Variants in AGAP3 observed in about 807,000 individuals in gnomAD.
AGAP3 encodes arf-GAP with GTPase, ANK repeat and PH domain-containing protein 3.
AGAP3 carries 24 observed loss-of-function variants against 96.9 expected under a neutral mutation model. That is an observed-to-expected ratio of 0.25 (90% CI 0.18 to 0.35). The LOEUF (loss-of-function observed/expected upper bound fraction) is 0.35. AGAP3 is among the 10% of genes least tolerant of loss of function. AGAP3 has a pLI of 1.00. For synonymous variants in AGAP3, 563 were observed against 536.1 expected, an observed-to-expected ratio of 1.05 and a Z score of -0.69; for missense variants, 876 against 1,254.2, an observed-to-expected ratio of 0.70 and a Z score of 4.55.
At chr7:151,123,187 T>C in intron 8 of AGAP3, 1 of 1,064,974 alleles carries the variant, frequency 9.4e-7, no homozygotes, top group Non-Finnish European at 1.1e-6. Context: ...CTGCTCCTGC[T>C]CCGGAAGCCG....
At chr7:151,129,384 G>T (rs542285020) in intron 10 of AGAP3, among the ~76,000 whole-genome samples, 1 of 152,068 alleles carries the variant, frequency 6.6e-6, no homozygotes, top group Non-Finnish European at 1.5e-5. Flanking sequence ...CTCTGAATCC[G>T]CCCAAGGTGT....
At chr7:151,130,272 G>A (rs1027654687) in intron 10 of AGAP3, among the ~76,000 whole-genome samples, 1 of 152,176 alleles carries the variant, frequency 6.6e-6, no homozygotes, top group Non-Finnish European at 1.5e-5. Flanking sequence ...GGCAAGGGGT[G>A]TCTTGGATGT....
chr7:151,094,835 T>G, intron 1 of AGAP3, among the ~76,000 whole-genome samples: 1 of 144,692 alleles, frequency 6.9e-6, no homozygotes, highest in African/African-American at 2.5e-5. Flanking sequence ...CCTCCCTCCC[T>G]TCCCTCCTTC....
At chr7:151,098,815 C>T (rs1018329618) in intron 1 of AGAP3, among the ~76,000 whole-genome samples, 1 of 147,994 alleles carries the variant, frequency 6.8e-6, no homozygotes, top group African/African-American at 2.5e-5. Context: ...TCACTAACAA[C>T]CTCCACCTCC....
chr7:151,142,518 C>G lies in AGAP3; in HGVS notation c.2157C>G (p.Leu719=). ...AHLSRVRSLD[L]DDWPPELLAV... ...TGTCCCGGGTGCGCTCCCTTGACCT[C>G]GATGACTGGCCGCCTGAGCTGCTGG... The change falls in exon 16 of 18, where the codon CTC becomes CTG. Residue 719 remains leucine, a synonymous_variant. Transcript: ENST00000397238. The surrounding 1 kb of genome is among the most constrained non-coding windows in gnomAD (Gnocchi z 7.5). The G allele has an allele frequency of 6.2e-7, 1 of 1,613,782 alleles. No homozygotes were observed. Among genetic ancestry groups the G allele is most frequent in the Non-Finnish European group, 8.5e-7 (1 of 1,180,014 alleles).
chr7:151,141,590 C>T lies in AGAP3; in HGVS notation c.1805-308C>T. On this transcript the variant is annotated intron_variant, in intron 13 of 17. Transcript: ENST00000397238. This position sits in a 1 kb window ranked among gnomAD's most constrained non-coding sequence, Gnocchi z 4.2. ...GATACTCAGCTCTTTCTGTGGGATGCACCCCTCTCTGGTTTCACACCCATT... is the reference window on the plus strand; with the variant it reads ...GATACTCAGCTCTTTCTGTGGGATGTACCCCTCTCTGGTTTCACACCCATT... The T allele has an allele frequency of 2.5e-6, 1 of 395,346 alleles. No individual in the cohort carries two copies. The highest frequency in any genetic ancestry group is 4.7e-6 in the Non-Finnish European group (1 of 212,042). 24.5% of individuals were successfully genotyped at this position (395,346 alleles called of 1,614,324 possible).
Position 151,096,466 on chromosome 7 carries a change from A to C in AGAP3, c.331+9394A>C, listed in dbSNP as rs1342447924. Among the ~76,000 whole-genome samples, 1 of 151,354 alleles carries C rather than the reference A, an allele frequency of 6.6e-6. No individual in the cohort carries two copies. Among genetic ancestry groups the C allele is most frequent in the Non-Finnish European group, 1.5e-5 (1 of 67,876 alleles). On this transcript the variant is annotated intron_variant, in intron 1 of 17. Transcript: ENST00000397238. The surrounding 1 kb of genome is among the most constrained non-coding windows in gnomAD (Gnocchi z 4.4). ...TGGGCGAGTCACACGTGTGAACTTA[A>C]ATTTTCTTTTCTTTTTTTTTTTTTG...
intron 1 of AGAP3, chr7:151,115,093 C>T: frequency 1.2e-5 from 12 of 1,028,958 alleles, no homozygotes; most frequent in Non-Finnish European, 1.4e-5. Flanking sequence ...AGCCCCGCGC[C>T]GACCCGGCGC....
chr7:151,103,128 G>A (rs781726837), intron 1 of AGAP3, among the ~76,000 whole-genome samples: 4 of 152,208 alleles, frequency 2.6e-5, no homozygotes, highest in African/African-American at 7.2e-5. Flanking sequence ...GTGTGCTTAC[G>A]TGCCCTTCTC....
At position 151,097,668 on chromosome 7, in the gene AGAP3, A is replaced by G. The variant is rs202091192; in HGVS notation, c.331+10596A>G. On this transcript the variant is annotated intron_variant, in intron 1 of 17. Coordinates refer to ENST00000397238, the MANE Select transcript of AGAP3 (RefSeq NM_031946.7). ...GGCAGAAAGCAAAGCAGGAATAGGA[A>G]GTCACATGGTGGAAGTGGGAGCGAC... is the stretch of plus-strand genomic sequence containing the variant. Among the ~76,000 whole-genome samples, 4 of 152,070 alleles carry G rather than the reference A, an allele frequency of 2.6e-5. No individual in the cohort carries two copies. The East Asian group carries it at 7.7e-4, about 29-fold the overall frequency.
At chr7:151,091,808 G>A (rs1361216396) in intron 1 of AGAP3, among the ~76,000 whole-genome samples, 1 of 152,224 alleles carries the variant, frequency 6.6e-6, no homozygotes, top group Non-Finnish European at 1.5e-5. Context: ...AGATGAAGCA[G>A]TCCTTGTCCC....
At chr7:151,088,023 C>T (rs958887385) in intron 1 of AGAP3, among the ~76,000 whole-genome samples, 2 of 152,224 alleles carry the variant, frequency 1.3e-5, no homozygotes, top group African/African-American at 4.8e-5. Flanking sequence ...CGCCCACCGG[C>T]AGGTGGTGGG....
intron 1 of AGAP3, among the ~76,000 whole-genome samples, chr7:151,110,378 A>G (rs1045175163): frequency 9.9e-5 from 15 of 152,220 alleles, no homozygotes; most frequent in African/African-American, 3.6e-4. Context: ...GGGATGCTTC[A>G]GCCACGGTCC....
chr7:151,113,766 G>A (rs1799404746), intron 1 of AGAP3, among the ~76,000 whole-genome samples: 1 of 152,256 alleles, frequency 6.6e-6, no homozygotes, highest in Non-Finnish European at 1.5e-5. Context: ...ACAATGCAGT[G>A]TCAATCACAG....
chr7:151,095,573 C>T (rs1056800042), intron 1 of AGAP3, among the ~76,000 whole-genome samples: 3 of 151,984 alleles, frequency 2.0e-5, no homozygotes, highest in Non-Finnish European at 4.4e-5. Flanking sequence ...GATCTCTGCT[C>T]TGCTTCTGCT....
At chr7:151,119,845 T>G in intron 7 of AGAP3, 142 bp from the exon 8 acceptor site, 1 of 691,796 alleles carries the variant, frequency 1.4e-6, no homozygotes, top group Non-Finnish European at 2.4e-6. Flanking sequence ...GTTCCCCCCA[T>G]ATCATCTGTA....
chr7:151,097,025 T>C (rs1229552281), intron 1 of AGAP3, among the ~76,000 whole-genome samples: 1 of 151,444 alleles, frequency 6.6e-6, no homozygotes, highest in Non-Finnish European at 1.5e-5. Context: ...CCTCAGGTGA[T>C]CTGCCTACGT....
In AGAP3 at chr7:151,096,908, C is replaced by G. The variant is rs1320321068; in HGVS notation, c.331+9836C>G. ...ATTCTCGTGCCTCAGCCTCCCAAGGCACATGCCTTGGGATTACAGGCACAT... is the reference window on the plus strand; with the variant it reads ...ATTCTCGTGCCTCAGCCTCCCAAGGGACATGCCTTGGGATTACAGGCACAT... On this transcript the variant is annotated intron_variant, in intron 1 of 17. Transcript: ENST00000397238. This position sits in a 1 kb window ranked among gnomAD's most constrained non-coding sequence, Gnocchi z 4.4. 6.6e-6 allele frequency among the ~76,000 whole-genome samples: 1 copy of G among 152,078 alleles called. No homozygotes were observed. The highest frequency in any genetic ancestry group is 2.4e-5 in the African/African-American group (1 of 41,428).
At chr7:151,093,078 A>T (rs973981473) in intron 1 of AGAP3, among the ~76,000 whole-genome samples, 1 of 152,196 alleles carries the variant, frequency 6.6e-6, no homozygotes, top group Non-Finnish European at 1.5e-5. Context: ...TGTAGCGTAC[A>T]ATAGACAGAT....
Sources: allele counts gnomAD v4.1 joint callset (sites outside exome capture counted in the v4.1 genomes callset), GRCh38; gene constraint gnomAD v4.1.1; non-coding constraint Gnocchi (gnomAD v3.1); transcripts MANE v1.5; gene names NCBI Gene and HGNC (gene_info 2026-07-23, HGNC 2026-07-21).